Variants in PLPPR3 observed in about 807,000 individuals in gnomAD.
PLPPR3 encodes phospholipid phosphatase related 3.
PLPPR3 carries 14 observed loss-of-function variants against 27.3 expected under a neutral mutation model. That is an observed-to-expected ratio of 0.51 (90% CI 0.34 to 0.80). The LOEUF is 0.80. Ranked by LOEUF, PLPPR3 falls within the 30% of genes least tolerant of loss-of-function variation. PLPPR3 has a pLI of 0.01. For synonymous variants in PLPPR3, 671 were observed against 508.0 expected, an observed-to-expected ratio of 1.32 and a Z score of -4.32; for missense variants, 1,287 against 1,056.9, an observed-to-expected ratio of 1.22 and a Z score of -3.02.
At chr19:818,173 A>G (rs942427105) in intron 2 of PLPPR3, among the ~76,000 whole-genome samples, 2 of 152,114 alleles carry the variant, frequency 1.3e-5, no homozygotes, top group Non-Finnish European at 2.9e-5. Flanking sequence ...ACCTGAGGTC[A>G]GGAGTTTGAG....
At chr19:816,380 C>T (rs1371769405) in intron 2 of PLPPR3, among the ~76,000 whole-genome samples, 1 of 52,640 alleles carries the variant, frequency 1.9e-5, no homozygotes, top group Non-Finnish European at 3.5e-5. Flanking sequence ...ATTCATCCAT[C>T]CATCCACCCA....
chr19:822,149 C>T (rs2035158727), upstream of PLPPR3, among the ~76,000 whole-genome samples: 1 of 151,778 alleles, frequency 6.6e-6, no homozygotes, highest in Non-Finnish European at 1.5e-5. Context: ...CGCCGGGGGT[C>T]TCGGGGGTCT....
At chr19:814,388 A>G (rs1187942013) in intron 7 of PLPPR3, 46 bp downstream of exon 7, 1 of 1,533,162 alleles carries the variant, frequency 6.5e-7, no homozygotes, top group Non-Finnish European at 8.8e-7. Flanking sequence ...CCCCCCTCAG[A>G]TCCCCTGGGA....
In PLPPR3 at chr19:813,092, A is replaced by G; in HGVS notation, c.1635T>C (p.Ala545=). ...RLLQVIAMSK[A]PGAPGPKAAE... ...CCGCCTTGGGGCCCGGCGCGCCCGG[A>G]GCCTTGGACATGGCGATGACCTGCA... The change falls in exon 8 of 8, where the codon GCT becomes GCC. Residue 545 remains alanine (A), a synonymous_variant. Transcript: ENST00000520876. The surrounding 1 kb of genome is among the most constrained non-coding windows in gnomAD (Gnocchi z 4.1). 1 of 1,497,186 alleles carries G rather than the reference A, an allele frequency of 6.7e-7. No homozygotes were observed. The highest frequency in any genetic ancestry group is 8.8e-7 in the Non-Finnish European group (1 of 1,134,394). The allele number at this position is 1,497,186 out of a possible 1,614,324, so 92.7% of individuals were successfully genotyped here. A position where few individuals can be genotyped will look rare whatever the true frequency, so the allele number is the denominator to read the frequency against.
chr19:815,081 C>T lies in PLPPR3; in HGVS notation c.404G>A (p.Gly135Asp). 1 of 1,605,092 alleles carries T rather than the reference C, an allele frequency of 6.2e-7. No individual in the cohort carries two copies. Among genetic ancestry groups the T allele is most frequent in the Non-Finnish European group, 8.5e-7 (1 of 1,179,816 alleles). Residue 135 changes from glycine to aspartate, a missense_variant and splice_region_variant, in exon 5 of 8, where the codon GGT (glycine) becomes GAT (aspartate). Coordinates refer to ENST00000520876, the MANE Select transcript of PLPPR3 (RefSeq NM_001270366.2). ...GGCACACAGGCCGAACACGTGGACA[C>T]CTGCAGGGCGGAAGGCTCGGCCAGG... ...SFLRRTVRFVGVHVFGLCATA... is the reference protein window; with the variant it reads ...SFLRRTVRFVDVHVFGLCATA...
At chr19:816,212 A>C (rs1262552116) in intron 2 of PLPPR3, among the ~76,000 whole-genome samples, 2 of 145,562 alleles carry the variant, frequency 1.4e-5, no homozygotes, top group African/African-American at 5.1e-5. Flanking sequence ...CATGCACCCA[A>C]CGGTACCCAT....
chr19:818,967 ATTATT>A (rs1308877710), intron 2 of PLPPR3, among the ~76,000 whole-genome samples: 2 of 58,308 alleles, frequency 3.4e-5, no homozygotes, highest in African/African-American at 9.3e-5. Flanking sequence ...CCTTATTATT[ATTATT>A]TTATTTATTA....
At chr19:818,398 T>A (rs1037767138) in intron 2 of PLPPR3, among the ~76,000 whole-genome samples, 1 of 151,230 alleles carries the variant, frequency 6.6e-6, no homozygotes, top group Admixed American at 6.6e-5. Context: ...ATAATAATAA[T>A]AAATAAAATA....
rs1316110796 is a variant in PLPPR3 at position 812,957 on chromosome 19, G to T, written c.1770C>A (p.His590Gln). ...CGCCGGCCGACAGGTGCACCACGGG[G>T]TGGTGCGGCGCGTGCGCGTCGATGG... ...IVTIDAHAPHHPVVHLSAGGA... is the reference protein window; with the variant it reads ...IVTIDAHAPHQPVVHLSAGGA... Residue 590 changes from histidine to glutamine, a missense_variant, in exon 8 of 8, where the codon CAC (histidine) becomes CAA (glutamine). Physicochemically the swap from His to Gln is conservative, Grantham distance 24. Transcript: ENST00000520876. The T allele has an allele frequency of 4.8e-6, 7 of 1,443,322 alleles. No individual in the cohort carries two copies. The South Asian group carries it at 6.5e-5, about 13-fold the overall frequency. 89.4% of individuals were successfully genotyped at this position (1,443,322 alleles called of 1,614,324 possible). A position where few individuals can be genotyped will look rare whatever the true frequency, so the allele number is the denominator to read the frequency against.
At position 813,451 on chromosome 19, in the gene PLPPR3, C is replaced by G; in HGVS notation, c.1276G>C (p.Asp426His). ...GCGCGCAGGTGCCCGGGGCTGGCGT[C>G]GTCGGGCAGCCCCAGGCCGCGGCCC... ...LEGRGLGLPD[D>H]ASPGHLRAPA... Residue 426 changes from aspartate to histidine, a missense_variant, in exon 8 of 8, where the codon GAC becomes CAC. Physicochemically the swap from Asp to His is moderately conservative, Grantham distance 81. Transcript: ENST00000520876. This position sits in a 1 kb window ranked among gnomAD's most constrained non-coding sequence, Gnocchi z 4.1. The G allele has an allele frequency of 1.3e-6, 2 of 1,529,488 alleles. No individual in the cohort carries two copies. The highest frequency in any genetic ancestry group is 2.5e-5 in the East Asian group (1 of 40,218). The allele number at this position is 1,529,488 out of a possible 1,614,324, so 94.7% of individuals were successfully genotyped here. A position where few individuals can be genotyped will look rare whatever the true frequency, so the allele number is the denominator to read the frequency against.
In PLPPR3 at chr19:812,878, C is replaced by T. The variant is rs1238763759; in HGVS notation, c.1849G>A (p.Gly617Ser). The part of the protein sequence containing the change: ...AGGGAKAEAD[G>S]GYELGDLARG... Reference sequence around the variant, plus strand: ...GCCAGGTCCCCCAGCTCGTAGCCGCCGTCGGCCTCCGCCTTGGCCCCGCCG... The same window carrying T: ...GCCAGGTCCCCCAGCTCGTAGCCGCTGTCGGCCTCCGCCTTGGCCCCGCCG... The change falls in exon 8 of 8, where the codon GGC (glycine) becomes AGC (serine). Residue 617 changes from glycine to serine, a missense_variant. Gly to Ser is a moderately conservative substitution (Grantham distance 56). Transcript: ENST00000520876. 4 of 1,209,366 alleles carry T rather than the reference C, an allele frequency of 3.3e-6. No homozygotes were observed. The highest frequency in any genetic ancestry group is 4.1e-6 in the Non-Finnish European group (4 of 968,132). The allele number at this position is 1,209,366 out of a possible 1,614,324, so 74.9% of individuals were successfully genotyped here.
At position 815,757 on chromosome 19, in the gene PLPPR3, C is replaced by G. The variant is rs998036338; in HGVS notation, c.170G>C (p.Arg57Pro). ...CTCCACGTAGGGCATGGAGAGAGTG[C>G]GGTCATAGCACTGGAAGCCCACCTT... ...PAKVGFQCYD[R>P]TLSMPYVETN... Residue 57 changes from arginine to proline, a missense_variant, in exon 3 of 8, where the codon CGC becomes CCC. Physicochemically the swap from Arg to Pro is moderately radical, Grantham distance 103. Transcript: ENST00000520876. 6.2e-7 allele frequency: 1 copy of G among 1,612,522 alleles called. No homozygotes were observed. The highest frequency in any genetic ancestry group is 1.1e-5 in the South Asian group (1 of 91,012).
At position 814,485 on chromosome 19, in the gene PLPPR3, A is replaced by C. The variant is rs2145066295; in HGVS notation, c.780T>G (p.Pro260=). ...TGAGGAAGCCGGCATACACGTCCAC[A>C]GGGTGGCTGCGGTACTGCGTGATCT... is the stretch of plus-strand genomic sequence containing the variant. ...LTQITQYRSH[P]VDVYAGFLIG... is the part of the protein sequence containing the mutation. Residue 260 remains proline, a synonymous_variant, in exon 7 of 8, where the codon CCT becomes CCG. Transcript: ENST00000520876. 2 of 1,610,026 alleles carry C rather than the reference A, an allele frequency of 1.2e-6. No individual in the cohort carries two copies. Among genetic ancestry groups the C allele is most frequent in the Non-Finnish European group, 1.7e-6 (2 of 1,179,728 alleles).
intron 1 of PLPPR3, 149 bp downstream of exon 1, chr19:821,766 C>T (rs1730082030): frequency 1.2e-5 from 3 of 258,794 alleles, no homozygotes; most frequent in Admixed American, 5.8e-5. Flanking sequence ...CACCCGGGAT[C>T]GGGGGGTCGG....
upstream of PLPPR3, among the ~76,000 whole-genome samples, chr19:822,593 C>T (rs1454263473): frequency 2.0e-5 from 3 of 152,156 alleles, no homozygotes; most frequent in East Asian, 3.9e-4. Context: ...GCTCGGTGCG[C>T]ACGGCGGGAT....
Position 818,952 on chromosome 19 carries a change from C to G in PLPPR3, c.75+2533G>C, listed in dbSNP as rs893736297. Among the ~76,000 whole-genome samples the G allele has an allele frequency of 8.0e-5, 9 of 112,858 alleles. 2 individuals carry two copies. In the East Asian group the frequency reaches 9.5e-4, roughly 12 times the overall value. 74.0% of individuals were successfully genotyped at this position (112,858 alleles called of 152,430 possible). ...GGAATTACAGGTGTGAGCCACTGCGCTCGGCCTTATTATTATTATTTTATT... is the reference window on the plus strand; with the variant it reads ...GGAATTACAGGTGTGAGCCACTGCGGTCGGCCTTATTATTATTATTTTATT... On this transcript the variant is annotated intron_variant, in intron 2 of 7. Transcript: ENST00000520876.
intron 2 of PLPPR3, 77 bp downstream of exon 2, chr19:821,408 G>C: frequency 7.4e-7 from 1 of 1,345,956 alleles, no homozygotes; most frequent in Non-Finnish European, 1.0e-6. Context: ...GCCGGCTCCG[G>C]TCCCCCAGCG....
In PLPPR3 at chr19:812,858, G is replaced by T. The variant is rs1415341323; in HGVS notation, c.1869C>A (p.Asp623Glu). The T allele has an allele frequency of 4.3e-6, 5 of 1,163,396 alleles. No individual in the cohort carries two copies. Among genetic ancestry groups the T allele is most frequent in the South Asian group, 2.7e-5 (1 of 37,668 alleles). 72.1% of individuals were successfully genotyped at this position (1,163,396 alleles called of 1,614,324 possible). A position where few individuals can be genotyped will look rare whatever the true frequency, so the allele number is the denominator to read the frequency against. ...CCCCGCCGCGGAAGCCGCGCGCCAG[G>T]TCCCCCAGCTCGTAGCCGCCGTCGG... ...AEADGGYELG[D>E]LARGFRGGAK... Residue 623 changes from aspartate to glutamate, a missense_variant, in exon 8 of 8, where the codon GAC becomes GAA. By Grantham distance (45) the Asp-to-Glu change is conservative (BLOSUM62 2). Transcript: ENST00000520876.
At chr19:818,787 C>G (rs189499129) in intron 2 of PLPPR3, among the ~76,000 whole-genome samples, 248 of 152,124 alleles carry the variant, frequency 1.6e-3, no homozygotes, top group South Asian at 4.0e-3. Flanking sequence ...CCCACCTAGG[C>G]CTTCCAAAGT....
Sources: allele counts gnomAD v4.1 joint callset (sites outside exome capture counted in the v4.1 genomes callset), GRCh38; gene constraint gnomAD v4.1.1; non-coding constraint Gnocchi (gnomAD v3.1); transcripts MANE v1.5; gene names NCBI Gene and HGNC (gene_info 2026-07-23, HGNC 2026-07-21).